The following ZNF385B variants were observed in gnomAD, a reference collection of about 807,000 sequenced individuals.
ZNF385B encodes the protein zinc finger protein 533.
In ZNF385B, 23 loss-of-function variants were observed where a neutral mutation model predicts 39.2. The ratio of observed to expected loss-of-function variants is 0.59; its 90% CI spans 0.42 to 0.83. The LOEUF (loss-of-function observed/expected upper bound fraction) is 0.83, where lower values mean the gene tolerates loss of function less well. Among genes scored for constraint, ZNF385B ranks in the 40% least tolerant of loss-of-function variants. The pLI, the probability that ZNF385B is intolerant of heterozygous loss-of-function variation, is 0.00. For missense variants in ZNF385B, 552 were observed against 598.9 expected (o/e 0.92, Z 0.82); for synonymous variants, 205 against 222.6 (o/e 0.92, Z 0.70).
chr2:179,580,930 G>T (rs940738248), intron 3 of ZNF385B, among the ~76,000 whole-genome samples: 1 of 152,190 alleles, frequency 6.6e-6, no homozygotes, highest in Non-Finnish European at 1.5e-5. Flanking sequence ...ACAACCTGGA[G>T]TTGTGGCCTA....
chr2:179,838,931 G>GT (rs376272694), intron 1 of ZNF385B, among the ~76,000 whole-genome samples: 8 of 149,984 alleles, frequency 5.3e-5, no homozygotes, highest in African/African-American at 9.8e-5. Context: ...AAAAAAAAGG[G>GT]GGGGGGGCAT....
chr2:179,444,845 C>A (rs1385367577), intron 9 of ZNF385B, 31 bp downstream of exon 9: 12 of 1,593,224 alleles, frequency 7.5e-6, no homozygotes, highest in Admixed American at 5.0e-5. Flanking sequence ...GGCTGCCCCA[C>A]AAAACAGGTG....
intron 3 of ZNF385B, among the ~76,000 whole-genome samples, chr2:179,730,039 A>G (rs549488167): frequency 2.9e-4 from 44 of 152,344 alleles, no homozygotes; most frequent in Non-Finnish European, 4.9e-4. Flanking sequence ...AATACACCAT[A>G]GTATCCCCAG....
chr2:179,795,629 ATT>A (rs147150906), intron 1 of ZNF385B, among the ~76,000 whole-genome samples: 1 of 151,646 alleles, frequency 6.6e-6, no homozygotes, highest in African/African-American at 2.4e-5. Context: ...ATTCTCTTAC[ATT>A]TTTTTTTCTA....
intron 3 of ZNF385B, among the ~76,000 whole-genome samples, chr2:179,578,018 C>T (rs1334369659): frequency 2.0e-5 from 3 of 152,026 alleles, no homozygotes; most frequent in African/African-American, 4.8e-5. Flanking sequence ...TGGCTAGGCA[C>T]CTTAGACATT....
intron 1 of ZNF385B, among the ~76,000 whole-genome samples, chr2:179,843,173 C>A (rs969501232): frequency 6.6e-6 from 1 of 152,202 alleles, no homozygotes; most frequent in Non-Finnish European, 1.5e-5. Flanking sequence ...CCTCAAGGGG[C>A]CTCTAACACA....
chr2:179,547,929 G>T (rs955210221), intron 3 of ZNF385B, among the ~76,000 whole-genome samples: 1 of 149,430 alleles, frequency 6.7e-6, no homozygotes, highest in Non-Finnish European at 1.5e-5. Flanking sequence ...TCATTGTAGA[G>T]ATTTTTTACT....
chr2:179,485,840 G>C (rs1260784946), intron 5 of ZNF385B, among the ~76,000 whole-genome samples: 3 of 152,118 alleles, frequency 2.0e-5, no homozygotes, highest in African/African-American at 7.2e-5. Flanking sequence ...GGACATATTA[G>C]TGATTTCCCT....
chr2:179,712,941 A>G (rs1700096360), intron 3 of ZNF385B, among the ~76,000 whole-genome samples: 1 of 152,210 alleles, frequency 6.6e-6, no homozygotes, highest in African/African-American at 2.4e-5. Flanking sequence ...TTTCTGGGCT[A>G]GTAATATGCA....
intron 3 of ZNF385B, chr2:179,745,846 A>G (rs1702351156): frequency 7.4e-7 from 1 of 1,357,288 alleles, no homozygotes; most frequent in East Asian, 2.8e-5. Flanking sequence ...TCCAGCCCTG[A>G]TTATCTGTGT....
chr2:179,541,969 C>T (rs943403269), intron 4 of ZNF385B, among the ~76,000 whole-genome samples: 1 of 152,160 alleles, frequency 6.6e-6, no homozygotes, highest in African/African-American at 2.4e-5. Flanking sequence ...TCTCTTTCTT[C>T]CTCTAGACAA....
chr2:179,845,686 A>G (rs1301005890), intron 1 of ZNF385B, among the ~76,000 whole-genome samples: 1 of 152,196 alleles, frequency 6.6e-6, no homozygotes, highest in East Asian at 1.9e-4. Flanking sequence ...TGACCCTTTC[A>G]GATGGTCACG....
intron 3 of ZNF385B, chr2:179,576,179 C>A: frequency 1.0e-6 from 1 of 985,268 alleles, no homozygotes; most frequent in Non-Finnish European, 1.2e-6. Context: ...TAGTTCAGAC[C>A]CTCATCTCTT....
At chr2:179,717,140 A>T (rs753951546) in intron 3 of ZNF385B, among the ~76,000 whole-genome samples, 4 of 152,258 alleles carry the variant, frequency 2.6e-5, no homozygotes, top group Non-Finnish European at 5.9e-5. Flanking sequence ...GAATATTCAA[A>T]AAAAAATTAG....
intron 3 of ZNF385B, among the ~76,000 whole-genome samples, chr2:179,654,257 A>C (rs1194610519): frequency 1.3e-5 from 2 of 152,204 alleles, no homozygotes; most frequent in Non-Finnish European, 2.9e-5. Context: ...ATGGAAGCCA[A>C]GAAGGCAGAA....
chr2:179,663,634 C>T (rs972582140), intron 3 of ZNF385B, among the ~76,000 whole-genome samples: 1 of 136,378 alleles, frequency 7.3e-6, no homozygotes, highest in South Asian at 2.4e-4. Flanking sequence ...GGCGTGAACT[C>T]GGGAGGCGGA....
intron 5 of ZNF385B, among the ~76,000 whole-genome samples, chr2:179,493,623 G>GCA (rs879279069): frequency 0.03 from 3,113 of 104,710 alleles, 375 homozygotes; most frequent in Admixed American, 0.062. Flanking sequence ...GTACATATAT[G>GCA]TATACGCATA....
At chr2:179,730,681 C>T (rs1040897537) in intron 3 of ZNF385B, among the ~76,000 whole-genome samples, 1 of 151,640 alleles carries the variant, frequency 6.6e-6, no homozygotes, top group African/African-American at 2.4e-5. Context: ...TAATTTAGTA[C>T]AAAATTTAAG....
chr2:179,452,196 C>G (rs1455191319), intron 6 of ZNF385B, among the ~76,000 whole-genome samples: 2 of 152,100 alleles, frequency 1.3e-5, no homozygotes, highest in Admixed American at 1.3e-4. Context: ...AAGTTCCATA[C>G]TGATTCATTT....
Sources: allele counts gnomAD v4.1 joint callset (sites outside exome capture counted in the v4.1 genomes callset), GRCh38; gene constraint gnomAD v4.1.1; transcripts MANE v1.5; gene names NCBI Gene and HGNC (gene_info 2026-07-23, HGNC 2026-07-21).